MTFR1: variants seen among roughly 807,000 people sequenced by gnomAD.
The protein encoded by MTFR1 is chondrocyte protein with a poly-proline region.
A neutral mutation model predicts 38.8 loss-of-function variants in MTFR1; 28 were observed. That is an observed-to-expected ratio of 0.72 (90% CI 0.53 to 0.99). The LOEUF (loss-of-function observed/expected upper bound fraction) is 0.99, where lower values mean the gene tolerates loss of function less well. Ranked by LOEUF, MTFR1 falls within the 50% of genes least tolerant of loss-of-function variation. The pLI is 0.00. For synonymous variants in MTFR1, 145 were observed against 137.0 expected (o/e 1.06, Z -0.41); for missense variants, 358 against 395.5 (o/e 0.91, Z 0.81).
At chr8:65,768,696 C>T (rs1041597639) in intron 3 of MTFR1, among the ~76,000 whole-genome samples, 2 of 152,148 alleles carry the variant, frequency 1.3e-5, no homozygotes, top group African/African-American at 4.8e-5. Flanking sequence ...AATACTATTT[C>T]AAGAAAATAC....
the MTFR1 span, among the ~76,000 whole-genome samples, chr8:65,777,942 T>C: frequency 1.3e-5 from 2 of 152,352 alleles, no homozygotes; most frequent in Admixed American, 1.3e-4. Context: ...TAATGTCTTT[T>C]ACCAACTTCT....
intron 3 of MTFR1, among the ~76,000 whole-genome samples, chr8:65,763,442 G>A (rs536561645): frequency 2.0e-5 from 3 of 152,070 alleles, no homozygotes; most frequent in East Asian, 1.9e-4. Flanking sequence ...GCGCAGGTCT[G>A]TAATCCCAGC....
chr8:65,743,158 T>C (rs1360993051), intron 3 of MTFR1, among the ~76,000 whole-genome samples: 2 of 152,144 alleles, frequency 1.3e-5, no homozygotes, highest in African/African-American at 4.8e-5. Context: ...ACCTTGAAAA[T>C]GTTAAGAGTG....
At chr8:65,671,251 T>C (rs1804561767) in intron 2 of MTFR1, among the ~76,000 whole-genome samples, 1 of 152,162 alleles carries the variant, frequency 6.6e-6, no homozygotes, top group Admixed American at 6.6e-5. Flanking sequence ...TTTCACTTAG[T>C]GGCCAGTCGC....
chr8:65,730,946 AAACAT>A (rs1446564436), intron 3 of MTFR1, among the ~76,000 whole-genome samples: 1 of 152,186 alleles, frequency 6.6e-6, no homozygotes, highest in Non-Finnish European at 1.5e-5. Flanking sequence ...AACAAAATAA[AAACAT>A]AAAAACAGAG....
chr8:65,740,621 C>T (rs1266032819), intron 3 of MTFR1, among the ~76,000 whole-genome samples: 1 of 152,098 alleles, frequency 6.6e-6, no homozygotes, highest in African/African-American at 2.4e-5. Context: ...AGGCTGGTCT[C>T]GAACTCCTGA....
intron 3 of MTFR1, chr8:65,728,298 A>T (rs1328453141): frequency 3.9e-5 from 6 of 152,122 alleles, no homozygotes; most frequent in African/African-American, 1.4e-4. Flanking sequence ...AAAAACTGAA[A>T]ATTTTAAAAA....
At chr8:65,655,630 T>A (rs1261935079) in intron 1 of MTFR1, among the ~76,000 whole-genome samples, 2 of 152,032 alleles carry the variant, frequency 1.3e-5, no homozygotes, top group Non-Finnish European at 2.9e-5. Flanking sequence ...GTCCCTGGAC[T>A]TGAATTTCAA....
At chr8:65,762,089 C>A (rs1343010008) in intron 3 of MTFR1, among the ~76,000 whole-genome samples, 1 of 152,176 alleles carries the variant, frequency 6.6e-6, no homozygotes, top group Admixed American at 6.5e-5. Flanking sequence ...TCATGAATTA[C>A]CCTTGGAGAT....
chr8:65,727,263 G>C, intron 3 of MTFR1: 1 of 1,613,542 alleles, frequency 6.2e-7, no homozygotes, highest in East Asian at 2.2e-5. Context: ...CTGCAATTAA[G>C]CTCAGCAAGA....
At chr8:65,697,098 C>T (rs1435690028) in intron 4 of MTFR1, among the ~76,000 whole-genome samples, 3 of 151,386 alleles carry the variant, frequency 2.0e-5, no homozygotes, top group African/African-American at 7.3e-5. Context: ...GATTCCCCTG[C>T]CTCAGCCTCC....
At chr8:65,721,729 C>T (rs1162447391) in intron 3 of MTFR1, 1 of 151,272 alleles carries the variant, frequency 6.6e-6, no homozygotes, top group African/African-American at 2.4e-5. Flanking sequence ...GATAAAAAGA[C>T]ATTTAATATT....
chr8:65,741,700 A>T (rs1470712575), intron 3 of MTFR1, among the ~76,000 whole-genome samples: 1 of 152,260 alleles, frequency 6.6e-6, no homozygotes, highest in African/African-American at 2.4e-5. Flanking sequence ...GAAGTGAACA[A>T]CGTGTCTGTT....
At chr8:65,677,103 T>C (rs531700299) in intron 2 of MTFR1, among the ~76,000 whole-genome samples, 1 of 138,328 alleles carries the variant, frequency 7.2e-6, no homozygotes, top group Admixed American at 7.5e-5. Context: ...AGACAGAGTC[T>C]CGCTCTGTCA....
chr8:65,760,709 C>A (rs978913913), intron 3 of MTFR1, among the ~76,000 whole-genome samples: 38 of 152,160 alleles, frequency 2.5e-4, no homozygotes, highest in African/African-American at 9.2e-4. Flanking sequence ...CCCCTCATCA[C>A]ACAGACACTG....
intron 3 of MTFR1, chr8:65,689,703 C>T: frequency 1.4e-6 from 1 of 702,348 alleles, no homozygotes; most frequent in South Asian, 2.1e-5. Context: ...CTGACTTCAC[C>T]TTGACTTGTA....
chr8:65,664,207 A>T (rs1050556557), intron 1 of MTFR1, among the ~76,000 whole-genome samples: 1 of 152,216 alleles, frequency 6.6e-6, no homozygotes, highest in East Asian at 1.9e-4. Context: ...AGAAATGAGC[A>T]TTTACGTGTA....
chr8:65,659,577 A>C (rs1437399806), intron 1 of MTFR1, among the ~76,000 whole-genome samples: 1 of 152,264 alleles, frequency 6.6e-6, no homozygotes, highest in East Asian at 1.9e-4. Context: ...GACGTGAGGT[A>C]CAGTGGTGAG....
chr8:65,676,442 T>C (rs1804709808), intron 2 of MTFR1, among the ~76,000 whole-genome samples: 1 of 152,066 alleles, frequency 6.6e-6, no homozygotes, highest in South Asian at 2.1e-4. Context: ...TGGCTCACTG[T>C]AGCCTCTGCC....
Sources: allele counts gnomAD v4.1 joint callset (sites outside exome capture counted in the v4.1 genomes callset), GRCh38; gene constraint gnomAD v4.1.1; transcripts MANE v1.5; gene names NCBI Gene and HGNC (gene_info 2026-07-23, HGNC 2026-07-21).